IRAK3: variants seen among roughly 807,000 people sequenced by gnomAD.
IRAK3 encodes interleukin-1 receptor-associated kinase 3.
A neutral mutation model predicts 56.6 loss-of-function variants in IRAK3; 57 were observed. That is an observed-to-expected ratio of 1.01 (90% CI 0.81 to 1.26). IRAK3 has a LOEUF of 1.26. Among genes scored for constraint, IRAK3 ranks in the 50% most tolerant of loss-of-function variants. IRAK3 has a pLI of 0.00. For missense variants in IRAK3, 703 were observed against 719.0 expected (o/e 0.98, Z 0.25); for synonymous variants, 258 against 255.7 (o/e 1.01, Z -0.09).
chr12:66,203,410 A>G (rs549789633), intron 1 of IRAK3, among the ~76,000 whole-genome samples: 1 of 152,324 alleles, frequency 6.6e-6, no homozygotes, highest in Admixed American at 6.5e-5. Context: ...GGAACAATTA[A>G]ATATAATATG....
At chr12:66,205,532 T>A (rs922703266) in intron 2 of IRAK3, among the ~76,000 whole-genome samples, 1 of 152,232 alleles carries the variant, frequency 6.6e-6, no homozygotes, top group African/African-American at 2.4e-5. Flanking sequence ...TGAGATGTGA[T>A]GATTTGTTGG....
chr12:66,212,102 C>T (rs2052618309), intron 5 of IRAK3, among the ~76,000 whole-genome samples: 1 of 91,710 alleles, frequency 1.1e-5, no homozygotes, highest in Admixed American at 1.5e-4. Context: ...TAAAGTGAGA[C>T]ACCACCTCAA....
At chr12:66,196,506 G>A (rs1165374968) in intron 1 of IRAK3, among the ~76,000 whole-genome samples, 3 of 152,138 alleles carry the variant, frequency 2.0e-5, no homozygotes, top group African/African-American at 7.2e-5. Context: ...TTGGTGTTGA[G>A]GGTGAATTAT....
Position 66,228,375 on chromosome 12 carries a change from A to G in IRAK3, c.887+5A>G, listed in dbSNP as rs1302730827. ...CATCTGTGGCAGTATATCAAGGTAA[A>G]TTATTCCAGAGCTTTTGGTTATACC... On this transcript the variant is annotated splice_donor_5th_base_variant and intron_variant, in intron 8 of 11. Transcript: ENST00000261233. The G allele has an allele frequency of 1.3e-6, 2 of 1,596,490 alleles. No individual in the cohort carries two copies. The highest frequency in any genetic ancestry group is 2.7e-5 in the African/African-American group (2 of 74,558).
intron 6 of IRAK3, among the ~76,000 whole-genome samples, chr12:66,220,599 C>G (rs1371060670): frequency 1.4e-5 from 2 of 141,742 alleles, no homozygotes; most frequent in Non-Finnish European, 3.0e-5. Flanking sequence ...CGGCTCACTG[C>G]AAGCTCCGCC....
chr12:66,226,648 C>G, intron 6 of IRAK3, 75 bp from the exon 7 acceptor site: 1 of 837,868 alleles, frequency 1.2e-6, no homozygotes, highest in Non-Finnish European at 2.1e-6. Flanking sequence ...CACCTTACTA[C>G]CCCCACACCA....
chr12:66,207,431 C>G (rs1022532790), intron 2 of IRAK3, among the ~76,000 whole-genome samples: 1 of 151,580 alleles, frequency 6.6e-6, no homozygotes, highest in African/African-American at 2.4e-5. Flanking sequence ...GAGATTGCAC[C>G]ACTGCACTCC....
rs200549011 is a variant in IRAK3, at chr12:66,211,552, A to T, written c.543A>T (p.Arg181Ser). 301 of 1,612,094 alleles carry T rather than the reference A, an allele frequency of 1.9e-4. 1 individual carries two copies. Among genetic ancestry groups the T allele is most frequent in the Middle Eastern group, 3.3e-4 (2 of 6,072 alleles). The change falls in exon 5 of 12, where the codon AGA (arginine) becomes AGT (serine). Residue 181 changes from arginine to serine, a missense_variant. Coordinates refer to ENST00000261233, the MANE Select transcript of IRAK3 (RefSeq NM_007199.3). Reference protein sequence around the residue: ...IGEGEIFEVYRVEIQNLTYAV... With the variant: ...IGEGEIFEVYSVEIQNLTYAV... ...AAGGAGAGATTTTTGAGGTATACAG[A>T]GTGGAGATTCAAAACCTAACATATG...
intron 1 of IRAK3, among the ~76,000 whole-genome samples, chr12:66,195,886 G>A (rs2136913036): frequency 6.6e-6 from 1 of 151,912 alleles, no homozygotes; most frequent in South Asian, 2.1e-4. Context: ...CGAACTTCTG[G>A]CCTTAGGTGA....
chr12:66,235,225 G>T, intron 8 of IRAK3: 1 of 1,609,780 alleles, frequency 6.2e-7, no homozygotes, highest in African/African-American at 1.3e-5. Flanking sequence ...ACTGCTGCTT[G>T]CGATAGGGCG....
Position 66,225,369 on chromosome 12 carries a change from TTG to T in IRAK3, c.654-1342_654-1341del, listed in dbSNP as rs948024952. ...AAAAATAAAAACTTCTCTATGTGTATTGTGTGTGTGTGTATGTATACATACAC... is the reference window on the plus strand; with the variant it reads ...AAAAATAAAAACTTCTCTATGTGTATTGTGTGTGTGTATGTATACATACAC... On this transcript the variant is annotated intron_variant, in intron 6 of 11. Transcript: ENST00000261233. 2.0e-5 allele frequency among the ~76,000 whole-genome samples: 3 copies of T among 151,446 alleles called. 1 individual carries two copies. Among genetic ancestry groups the T allele is most frequent in the African/African-American group, 2.4e-5 (1 of 41,378 alleles).
At chr12:66,237,808 G>T (rs1222311904) in intron 8 of IRAK3, among the ~76,000 whole-genome samples, 1 of 152,218 alleles carries the variant, frequency 6.6e-6, no homozygotes, top group Non-Finnish European at 1.5e-5. Context: ...AAGAATATGG[G>T]AGGATGTTTT....
chr12:66,230,225 C>G (rs2052829844), intron 8 of IRAK3, among the ~76,000 whole-genome samples: 1 of 152,200 alleles, frequency 6.6e-6, no homozygotes, highest in Admixed American at 6.5e-5. Context: ...TTTGGGCCCT[C>G]ATTTCCACTT....
chr12:66,238,493 C>G (rs1322874144), intron 8 of IRAK3, among the ~76,000 whole-genome samples: 1 of 152,162 alleles, frequency 6.6e-6, no homozygotes, highest in African/African-American at 2.4e-5. Flanking sequence ...GTCCAATCAT[C>G]ATGCACTTTT....
intron 5 of IRAK3, among the ~76,000 whole-genome samples, chr12:66,212,987 A>G (rs1453422566): frequency 3.9e-5 from 6 of 152,188 alleles, no homozygotes; most frequent in South Asian, 2.1e-4. Flanking sequence ...ACCGTGGCAC[A>G]TGTATACTTA....
intron 6 of IRAK3, among the ~76,000 whole-genome samples, chr12:66,222,944 C>T (rs573892857): frequency 3.3e-5 from 5 of 150,654 alleles, no homozygotes; most frequent in South Asian, 4.2e-4. Flanking sequence ...AGAGAGTCAG[C>T]GAAGGGAGAT....
intron 7 of IRAK3, 54 bp downstream of exon 7, chr12:66,226,891 G>C (rs1282104642): frequency 3.6e-6 from 4 of 1,104,334 alleles, no homozygotes; most frequent in Non-Finnish European, 5.6e-6. Context: ...ATCCCTGGGA[G>C]AGCTGCTGAA....
At chr12:66,195,451 C>G (rs1002053906) in intron 1 of IRAK3, among the ~76,000 whole-genome samples, 1 of 152,140 alleles carries the variant, frequency 6.6e-6, no homozygotes, top group Non-Finnish European at 1.5e-5. Flanking sequence ...AACCCTCTGG[C>G]GGCTTCCCAG....
At chr12:66,235,596 G>A (rs2052899424) in intron 8 of IRAK3, among the ~76,000 whole-genome samples, 1 of 151,934 alleles carries the variant, frequency 6.6e-6, no homozygotes, top group Non-Finnish European at 1.5e-5. Context: ...CCCGGCGGCA[G>A]CGGAGGAGCA....
Sources: allele counts gnomAD v4.1 joint callset (sites outside exome capture counted in the v4.1 genomes callset), GRCh38; gene constraint gnomAD v4.1.1; transcripts MANE v1.5; gene names NCBI Gene and HGNC (gene_info 2026-07-23, HGNC 2026-07-21).